Variants in VPS50 observed in about 807,000 individuals in gnomAD.
VPS50 encodes the protein VPS50 subunit of EARP/GARPII complex.
In VPS50, 70 loss-of-function variants were observed where a neutral mutation model predicts 139.7. The observed-to-expected ratio is 0.50, with a 90% CI of 0.41 to 0.61. VPS50 has a LOEUF of 0.61. VPS50 is among the 20% of genes least tolerant of loss of function. The pLI, the probability that VPS50 is intolerant of heterozygous loss-of-function variation, is 0.00. For synonymous variants in VPS50, 365 were observed against 376.7 expected (o/e 0.97, Z 0.36); for missense variants, 921 against 1,133.7 (o/e 0.81, Z 2.69).
intron 12 of VPS50, among the ~76,000 whole-genome samples, chr7:93,280,633 T>G (rs1259901536): frequency 6.6e-6 from 1 of 152,158 alleles, no homozygotes; most frequent in South Asian, 2.1e-4. Flanking sequence ...TTATGAAGTA[T>G]TCATAAGGAT....
At chr7:93,268,835 T>C (rs1795921690) in intron 9 of VPS50, among the ~76,000 whole-genome samples, 2 of 152,178 alleles carry the variant, frequency 1.3e-5, no homozygotes, top group African/African-American at 4.8e-5. Context: ...CGTGCATGTA[T>C]CTTTATAACA....
intron 20 of VPS50, among the ~76,000 whole-genome samples, chr7:93,315,169 A>AT (rs1247007829): frequency 2.6e-5 from 4 of 151,334 alleles, no homozygotes; most frequent in African/African-American, 9.7e-5. Context: ...TTTTATCTGG[A>AT]TTTTTTACTT....
chr7:93,310,661 T>G (rs1480303429), intron 19 of VPS50, among the ~76,000 whole-genome samples: 5 of 152,028 alleles, frequency 3.3e-5, no homozygotes, highest in African/African-American at 1.2e-4. Context: ...GTGAACTCCT[T>G]GTACTTTTCT....
rs1246614220 is a variant in VPS50 at position 93,313,775 on chromosome 7, GTA to G, written c.1855+2505_1855+2506del. On this transcript the variant is annotated intron_variant, in intron 20 of 27. Coordinates refer to ENST00000305866, the MANE Select transcript of VPS50 (RefSeq NM_017667.4). ...TCAAGACCCTTTAAAGTAAAGTAAA[GTA>G]TGGCACAGTCCTGAATAAAGCCTTA... 3.2e-3 allele frequency among the ~76,000 whole-genome samples: 493 copies of G among 152,166 alleles called. 1 individual carries two copies. Among genetic ancestry groups the G allele is most frequent in the African/African-American group, 0.011 (468 of 41,512 alleles).
intron 2 of VPS50, among the ~76,000 whole-genome samples, chr7:93,240,943 A>G (rs1488219392): frequency 6.6e-6 from 1 of 152,168 alleles, no homozygotes; most frequent in Non-Finnish European, 1.5e-5. Flanking sequence ...GGTTCAGACA[A>G]AAACTTAAGA....
chr7:93,309,310 T>G (rs1797201133), intron 19 of VPS50, among the ~76,000 whole-genome samples: 1 of 152,000 alleles, frequency 6.6e-6, no homozygotes, highest in Non-Finnish European at 1.5e-5. Context: ...TAGCTTTCCT[T>G]TGAGTTATAC....
At chr7:93,330,260 A>G (rs1009589552) in intron 21 of VPS50, among the ~76,000 whole-genome samples, 3 of 152,172 alleles carry the variant, frequency 2.0e-5, no homozygotes, top group Admixed American at 6.5e-5. Context: ...AGGAATATTA[A>G]AGTAGAAATC....
chr7:93,357,657 C>G, intron 27 of VPS50, among the ~76,000 whole-genome samples: 1 of 152,154 alleles, frequency 6.6e-6, no homozygotes, highest in African/African-American at 2.4e-5. Flanking sequence ...CTTTCCCTAT[C>G]TGAACTCTTG....
chr7:93,276,486 C>G lies in VPS50; in HGVS notation c.942+181C>G, dbSNP rs948814165. On this transcript the variant is annotated intron_variant, in intron 12 of 27. Transcript: ENST00000305866. ...AGAGAAGTTGGAGGACTCAGTCACA[C>G]AAATGGTAAAGGTTACTGAGATTGG... 8.2e-6 allele frequency: 8 copies of G among 980,340 alleles called. No homozygotes were observed. The African/African-American group carries it at 1.3e-4, about 16-fold the overall frequency. 60.7% of individuals were successfully genotyped at this position (980,340 alleles called of 1,614,324 possible). A position where few individuals can be genotyped will look rare whatever the true frequency, so the allele number is the denominator to read the frequency against.
rs1798677156 is a variant in VPS50 at position 93,355,371 on chromosome 7, G to C, written c.2586-520G>C. On this transcript the variant is annotated intron_variant, in intron 26 of 27. Transcript: ENST00000305866. The stretch of plus-strand genomic sequence containing the variant: ...GTAGAATATCAGAATAGGTCTATAA[G>C]CTTTTTATCATGAAAAATATATATA... 2.0e-5 allele frequency among the ~76,000 whole-genome samples: 3 copies of C among 151,976 alleles called. No homozygotes were observed. In the South Asian group the frequency reaches 6.2e-4, roughly 32 times the overall value.
At chr7:93,293,266 A>G (rs1460875601) in intron 13 of VPS50, among the ~76,000 whole-genome samples, 1 of 152,190 alleles carries the variant, frequency 6.6e-6, no homozygotes, top group Non-Finnish European at 1.5e-5. Context: ...TTTCTAGTAC[A>G]TTATTTAAGG....
chr7:93,329,261 A>G (rs1797868170), intron 21 of VPS50, among the ~76,000 whole-genome samples: 1 of 152,200 alleles, frequency 6.6e-6, no homozygotes, highest in Non-Finnish European at 1.5e-5. Flanking sequence ...AGTGACAATA[A>G]TAAAAAACCA....
At position 93,359,089 on chromosome 7, in the gene VPS50, T is replaced by C. The variant is rs1381896487; in HGVS notation, c.*653T>C. The C allele has an allele frequency of 2.0e-5, 3 of 152,142 alleles. No individual in the cohort carries two copies. Among genetic ancestry groups the C allele is most frequent in the Non-Finnish European group, 2.9e-5 (2 of 68,018 alleles). The allele number at this position is 152,142 out of a possible 1,614,324, so 9.4% of individuals were successfully genotyped here. ...ATGTCATGAACTATAGTGCAGCTTTTAGTGTGTTCTAATTTTAATTGTTTT... is the reference window on the plus strand; with the variant it reads ...ATGTCATGAACTATAGTGCAGCTTTCAGTGTGTTCTAATTTTAATTGTTTT... On this transcript the variant is annotated 3_prime_UTR_variant, in exon 28 of 28. Coordinates refer to ENST00000305866, the MANE Select transcript of VPS50 (RefSeq NM_017667.4).
chr7:93,314,448 T>C (rs2188404), intron 20 of VPS50, among the ~76,000 whole-genome samples: 46,208 of 151,962 alleles, frequency 0.3, 7,214 homozygotes, highest in East Asian at 0.4. Flanking sequence ...GCTTGTATTA[T>C]ATAAAGAGAA....
chr7:93,260,257 G>T (rs1209815248), intron 9 of VPS50, among the ~76,000 whole-genome samples: 1 of 152,100 alleles, frequency 6.6e-6, no homozygotes, highest in African/African-American at 2.4e-5. Context: ...TGCATTGCTT[G>T]TGACAGTCTT....
At chr7:93,287,858 T>G (rs1292328581) in intron 12 of VPS50, among the ~76,000 whole-genome samples, 2 of 152,136 alleles carry the variant, frequency 1.3e-5, no homozygotes, top group African/African-American at 4.8e-5. Context: ...TTTCGTCATA[T>G]GTGTATGGTG....
intron 24 of VPS50, 59 bp from the exon 25 acceptor site, chr7:93,349,816 T>C: frequency 7.5e-7 from 1 of 1,333,054 alleles, no homozygotes; most frequent in Non-Finnish European, 1.1e-6. Flanking sequence ...GCAAGTATTC[T>C]TTATCAATAT....
intron 21 of VPS50, among the ~76,000 whole-genome samples, chr7:93,326,383 C>T (rs1219345026): frequency 2.7e-5 from 4 of 147,604 alleles, no homozygotes; most frequent in Non-Finnish European, 3.0e-5. Flanking sequence ...ACCAGCATGG[C>T]ACATGTATAC....
chr7:93,294,563 G>A lies in VPS50; in HGVS notation c.1094G>A (p.Gly365Asp). The A allele has an allele frequency of 6.3e-7, 1 of 1,589,088 alleles. No individual in the cohort carries two copies. The highest frequency in any genetic ancestry group is 8.6e-7 in the Non-Finnish European group (1 of 1,168,536). Residue 365 changes from glycine to aspartate, a missense_variant, in exon 14 of 28, where the codon GGT becomes GAT. Physicochemically the swap from Gly to Asp is moderately conservative, Grantham distance 94. This residue lies in a region of VPS50 where 744 missense variants were observed against 930.6 expected (regional missense o/e 0.80). Transcript: ENST00000305866. ...ASASEGSNMI[G>D]TEETNFDRGY... ...TTTTCAGAAGGGAGTAATATGATAG[G>A]TACTGAAGAAACTAATTTTGATCGT...
Sources: allele counts gnomAD v4.1 joint callset (sites outside exome capture counted in the v4.1 genomes callset), GRCh38; gene constraint gnomAD v4.1.1; regional missense constraint gnomAD v4.1.1; transcripts MANE v1.5; gene names NCBI Gene and HGNC (gene_info 2026-07-23, HGNC 2026-07-21).